The following ARHGEF11 variants were observed in gnomAD, a reference collection of about 807,000 sequenced individuals.
ARHGEF11 encodes the protein Rho guanine nucleotide exchange factor 11, also known as Rho guanine exchange factor (GEF) 11.
Under a neutral mutation model 193.7 loss-of-function variants are expected in ARHGEF11, and 55 were observed. That is an observed-to-expected ratio of 0.28 (90% CI 0.23 to 0.36). The LOEUF (loss-of-function observed/expected upper bound fraction) is 0.36, where lower values mean the gene tolerates loss of function less well. Among genes scored for constraint, ARHGEF11 ranks in the 10% least tolerant of loss-of-function variants. The pLI, the probability that ARHGEF11 is intolerant of heterozygous loss-of-function variation, is 1.00. For missense variants in ARHGEF11, 1,723 were observed against 2,005.6 expected, an observed-to-expected ratio of 0.86 and a Z score of 2.69; for synonymous variants, 693 against 768.0, an observed-to-expected ratio of 0.90 and a Z score of 1.62.
chr1:157,014,309 A>G (rs9787126), intron 1 of ARHGEF11, among the ~76,000 whole-genome samples: 25,101 of 152,144 alleles, frequency 0.16, 2,165 homozygotes, highest in East Asian at 0.34. Context: ...CTCTAGTTCA[A>G]GCTCAAATCT....
intron 18 of ARHGEF11, 50 bp from the exon 19 acceptor site, chr1:156,956,614 C>G (rs1188016740): frequency 1.2e-6 from 2 of 1,608,244 alleles, no homozygotes; most frequent in South Asian, 2.2e-5. Flanking sequence ...GTTATCTTCC[C>G]TGTGCCAAAC....
chr1:156,991,491 C>T (rs1317053117), intron 1 of ARHGEF11, among the ~76,000 whole-genome samples: 2 of 150,900 alleles, frequency 1.3e-5, no homozygotes, highest in African/African-American at 2.4e-5. Flanking sequence ...GGCTAATTTT[C>T]GTATTTTTTA....
intron 1 of ARHGEF11, among the ~76,000 whole-genome samples, chr1:156,989,215 A>C (rs1214644445): frequency 6.6e-6 from 1 of 151,838 alleles, no homozygotes; most frequent in Non-Finnish European, 1.5e-5. Context: ...TTTCTGACCC[A>C]ACTTCTCAGT....
rs200236668 is a variant in ARHGEF11 at position 156,968,139 on chromosome 1, A to G, written c.826-15T>C. Reference sequence around the variant, plus strand: ...TTCATCAATGACTAGAGAAACAAAGAATTCTGTGAGAAGGAACCTTGTCCG... The same window carrying G: ...TTCATCAATGACTAGAGAAACAAAGGATTCTGTGAGAAGGAACCTTGTCCG... On this transcript the variant is annotated splice_polypyrimidine_tract_variant and intron_variant, in intron 10 of 40. Coordinates refer to ENST00000368194, the MANE Select transcript of ARHGEF11 (RefSeq NM_198236.3). 1 of 1,597,212 alleles carries G rather than the reference A, an allele frequency of 6.3e-7. No homozygotes were observed. The highest frequency in any genetic ancestry group is 1.3e-5 in the African/African-American group (1 of 74,532).
intron 14 of ARHGEF11, 79 bp from the exon 15 acceptor site, chr1:156,960,539 G>T: frequency 7.1e-7 from 1 of 1,405,342 alleles, no homozygotes; most frequent in African/African-American, 1.4e-5. Flanking sequence ...GGCGAGGAGG[G>T]CTTGGCCACA....
intron 8 of ARHGEF11, among the ~76,000 whole-genome samples, chr1:156,970,365 C>A (rs1662330799): frequency 6.6e-6 from 1 of 152,134 alleles, no homozygotes; most frequent in Admixed American, 6.5e-5. Flanking sequence ...AAAAAAGACT[C>A]AAGCAGGTGA....
intron 1 of ARHGEF11, among the ~76,000 whole-genome samples, chr1:157,035,061 G>A (rs1471555679): frequency 1.3e-5 from 2 of 152,176 alleles, no homozygotes; most frequent in East Asian, 3.9e-4. Context: ...TGAGACCTAC[G>A]ATTATTGAGA....
chr1:157,027,339 G>T (rs557213154), intron 1 of ARHGEF11, among the ~76,000 whole-genome samples: 2 of 152,138 alleles, frequency 1.3e-5, no homozygotes, highest in African/African-American at 2.4e-5. Context: ...TCAAGATCAC[G>T]CCACTGCACT....
rs1658536229 is a variant in ARHGEF11, at chr1:156,948,359, G to A, written c.2065C>T (p.His689Tyr). 1.9e-6 allele frequency: 3 copies of A among 1,614,132 alleles called. No homozygotes were observed. Among genetic ancestry groups the A allele is most frequent in the Admixed American group, 1.7e-5 (1 of 60,016 alleles). ...MDAAAEATRL[H>Y]QSASSSTSSL... The stretch of plus-strand genomic sequence containing the variant: ...GAGGTAGAGGACGAGGCTGACTGGT[G>A]CAGGCGAGTAGCCTCCGCAGCAGCA... The change falls in exon 23 of 41, where the codon CAC becomes TAC. Residue 689 changes from histidine (H) to tyrosine (Y), a missense_variant. His to Tyr is a moderately conservative substitution (Grantham distance 83). Coordinates refer to ENST00000368194, the MANE Select transcript of ARHGEF11 (RefSeq NM_198236.3). The surrounding 1 kb of genome is among the most constrained non-coding windows in gnomAD (Gnocchi z 4.2).
chr1:156,936,183 CCA>C (rs755803301), intron 40 of ARHGEF11, 125 bp from the exon 41 acceptor site: 26 of 1,028,562 alleles, frequency 2.5e-5, no homozygotes, highest in South Asian at 8.9e-5. Context: ...TCCAGAAACC[CCA>C]GTTTCTCGTA....
At chr1:156,998,307 T>C (rs573479555) in intron 1 of ARHGEF11, among the ~76,000 whole-genome samples, 9 of 152,282 alleles carry the variant, frequency 5.9e-5, no homozygotes, top group South Asian at 4.1e-4. Context: ...AGCATAGGTA[T>C]TGGCACAAGC....
intron 17 of ARHGEF11, among the ~76,000 whole-genome samples, 165 bp downstream of exon 17, chr1:156,958,577 C>T (rs1436658781): frequency 6.6e-6 from 1 of 152,196 alleles, no homozygotes; most frequent in Non-Finnish European, 1.5e-5. Context: ...ACACCTGCAG[C>T]CCTCAGCCTG....
intron 1 of ARHGEF11, among the ~76,000 whole-genome samples, chr1:157,000,569 T>C (rs1229183536): frequency 6.6e-6 from 1 of 152,220 alleles, no homozygotes; most frequent in Non-Finnish European, 1.5e-5. Flanking sequence ...TCTAATTTAC[T>C]TTCTTAAGGT....
Position 156,986,066 on chromosome 1 carries a change from T to C in ARHGEF11, c.124+16A>G. The C allele has an allele frequency of 6.2e-7, 1 of 1,608,024 alleles. No homozygotes were observed. Among genetic ancestry groups the C allele is most frequent in the Non-Finnish European group, 8.5e-7 (1 of 1,174,816 alleles). On this transcript the variant is annotated intron_variant, in intron 2 of 40. Coordinates refer to ENST00000368194, the MANE Select transcript of ARHGEF11 (RefSeq NM_198236.3). The stretch of plus-strand genomic sequence containing the variant: ...ATGCCTGGCTGTTTTTGTATGTTAA[T>C]GCCCAAGGAGGTTACCTGTTGTCTC...
intron 7 of ARHGEF11, among the ~76,000 whole-genome samples, chr1:156,974,848 C>CT (rs1250982591): frequency 6.6e-6 from 1 of 152,138 alleles, no homozygotes; most frequent in Non-Finnish European, 1.5e-5. Flanking sequence ...GTACTTCTTT[C>CT]TTTTTTATGG....
intron 1 of ARHGEF11, among the ~76,000 whole-genome samples, chr1:157,042,249 A>ATGAGCCCCAAGAC (rs1672841731): frequency 1.3e-5 from 2 of 152,184 alleles, no homozygotes; most frequent in African/African-American, 4.8e-5. Context: ...ACTTACAGGT[A>ATGAGCCCCAAGAC]TGAGCCCCAA....
chr1:157,017,650 T>C (rs1039733185), intron 1 of ARHGEF11, among the ~76,000 whole-genome samples: 4 of 130,278 alleles, frequency 3.1e-5, no homozygotes, highest in Non-Finnish European at 1.5e-5. Flanking sequence ...GAGGTTGCAG[T>C]GAGCCAAGAC....
intron 32 of ARHGEF11, 98 bp downstream of exon 32, chr1:156,943,837 T>C (rs916424192): frequency 1.2e-5 from 17 of 1,397,474 alleles, no homozygotes; most frequent in Non-Finnish European, 1.7e-5. Flanking sequence ...GGTGGACAGG[T>C]AGGTCCTGTA....
intron 1 of ARHGEF11, 88 bp from the exon 2 acceptor site, chr1:156,986,261 T>G: frequency 6.0e-6 from 7 of 1,163,848 alleles, no homozygotes; most frequent in Admixed American, 1.9e-5. Flanking sequence ...AAAGGGGCCC[T>G]GAGTCTTGGA....
Sources: allele counts gnomAD v4.1 joint callset (sites outside exome capture counted in the v4.1 genomes callset), GRCh38; gene constraint gnomAD v4.1.1; non-coding constraint Gnocchi (gnomAD v3.1); transcripts MANE v1.5; gene names NCBI Gene and HGNC (gene_info 2026-07-23, HGNC 2026-07-21).